Variants in ATXN7L1 observed in about 807,000 individuals in gnomAD.
The protein encoded by ATXN7L1 is ataxin 7 like 1.
A neutral mutation model predicts 70.8 loss-of-function variants in ATXN7L1; 15 were observed. That is an observed-to-expected ratio of 0.21 (90% CI 0.14 to 0.33). The LOEUF (loss-of-function observed/expected upper bound fraction) is 0.33. ATXN7L1 is among the 10% of genes least tolerant of loss of function. ATXN7L1 has a pLI of 1.00. For missense variants in ATXN7L1, 975 were observed against 1,097.1 expected (o/e 0.89, Z 1.57); for synonymous variants, 440 against 445.1 (o/e 0.99, Z 0.14).
chr7:105,798,231 C>G (rs1806287264), intron 2 of ATXN7L1, among the ~76,000 whole-genome samples: 1 of 152,222 alleles, frequency 6.6e-6, no homozygotes, highest in Non-Finnish European at 1.5e-5. Flanking sequence ...TTCCTTCCCC[C>G]CACCCCATGG....
Position 105,651,496 on chromosome 7 carries a change from G to A in ATXN7L1, c.579-8375C>T, listed in dbSNP as rs183458503. On this transcript the variant is annotated intron_variant, in intron 4 of 11. Transcript: ENST00000419735. The stretch of plus-strand genomic sequence containing the variant: ...TTCCTTAGTCCCTTCTGGTCCCACC[G>A]TGGAAGGAGGGGTGGACAGGGTGGA... Among the ~76,000 whole-genome samples, 590 of 152,330 alleles carry A rather than the reference G, an allele frequency of 3.9e-3. 7 individuals are homozygous for A. The highest frequency in any genetic ancestry group is 0.013 in the African/African-American group (557 of 41,570).
At chr7:105,713,133 A>T (rs1794128051) in intron 3 of ATXN7L1, among the ~76,000 whole-genome samples, 1 of 152,214 alleles carries the variant, frequency 6.6e-6, no homozygotes, top group South Asian at 2.1e-4. Context: ...ACACTTCTAA[A>T]TCATCAGATC....
At chr7:105,640,922 T>C (rs1798080039) in intron 5 of ATXN7L1, among the ~76,000 whole-genome samples, 1 of 152,226 alleles carries the variant, frequency 6.6e-6, no homozygotes, top group African/African-American at 2.4e-5. Context: ...ATTGGTGGTA[T>C]CTCCTTAAGA....
chr7:105,716,665 GCA>G (rs58217531), intron 3 of ATXN7L1, among the ~76,000 whole-genome samples: 9,769 of 124,262 alleles, frequency 0.079, 468 homozygotes, highest in Non-Finnish European at 0.1. Context: ...ACCTATCTCT[GCA>G]CACACACACA....
intron 3 of ATXN7L1, among the ~76,000 whole-genome samples, chr7:105,745,655 T>C (rs952525117): frequency 6.6e-6 from 1 of 152,186 alleles, no homozygotes; most frequent in Admixed American, 6.5e-5. Context: ...TGCAAGAAGC[T>C]GCAAAGGAGT....
chr7:105,669,294 C>A (rs1803154052), intron 3 of ATXN7L1, among the ~76,000 whole-genome samples: 2 of 152,086 alleles, frequency 1.3e-5, no homozygotes, highest in African/African-American at 4.8e-5. Context: ...GTTAGCCAGG[C>A]TGGTTTCAAA....
chr7:105,771,157 G>A (rs532879063), intron 3 of ATXN7L1, among the ~76,000 whole-genome samples: 4 of 151,300 alleles, frequency 2.6e-5, no homozygotes, highest in East Asian at 3.9e-4. Context: ...CCGAGATCGC[G>A]CCACTGCACT....
rs1817906671 is a variant in ATXN7L1, at chr7:105,869,273, G to A, written c.250+6539C>T. Among the ~76,000 whole-genome samples, 4 of 152,222 alleles carry A rather than the reference G, an allele frequency of 2.6e-5. No individual in the cohort carries two copies. In the South Asian group the frequency reaches 8.3e-4, roughly 32 times the overall value. ...TTACTGCTTGTTAGCAAAAGGGGAGGAAGGTAGGCTTAATGGGGAATGAAG... is the reference window on the plus strand; with the variant it reads ...TTACTGCTTGTTAGCAAAAGGGGAGAAAGGTAGGCTTAATGGGGAATGAAG... On this transcript the variant is annotated intron_variant, in intron 2 of 11. Transcript: ENST00000419735.
chr7:105,639,425 G>T, intron 6 of ATXN7L1, 62 bp downstream of exon 6: 1 of 1,329,276 alleles, frequency 7.5e-7, no homozygotes, highest in Non-Finnish European at 1.1e-6. Flanking sequence ...AGAGTGGCAT[G>T]CAAACATTTC....
At chr7:105,627,680 C>A (rs763897824) in intron 7 of ATXN7L1, among the ~76,000 whole-genome samples, 5 of 150,836 alleles carry the variant, frequency 3.3e-5, no homozygotes, top group Non-Finnish European at 7.4e-5. Flanking sequence ...TACAGGTGTG[C>A]GCCAACATGC....
chr7:105,780,993 T>A (rs1318085937), intron 3 of ATXN7L1, among the ~76,000 whole-genome samples: 1 of 152,218 alleles, frequency 6.6e-6, no homozygotes, highest in Non-Finnish European at 1.5e-5. Flanking sequence ...AGTTCCCAAC[T>A]GGGGGCGATT....
intron 3 of ATXN7L1, among the ~76,000 whole-genome samples, chr7:105,740,265 G>A (rs561840137): frequency 1.3e-5 from 2 of 152,290 alleles, no homozygotes; most frequent in South Asian, 4.1e-4. Flanking sequence ...AGGGGCAGCT[G>A]ATCACAACAT....
rs117069163 is a variant in ATXN7L1 at position 105,859,328 on chromosome 7, A to C, written c.250+16484T>G. Among the ~76,000 whole-genome samples, 642 of 152,254 alleles carry C rather than the reference A, an allele frequency of 4.2e-3. 4 individuals carry two copies. The highest frequency in any genetic ancestry group is 6.2e-3 in the Non-Finnish European group (422 of 68,012). On this transcript the variant is annotated intron_variant, in intron 2 of 11. Transcript: ENST00000419735. ...CACAATCAAGATGTGGAAAAATGAT[A>C]AATATTTAAAGGTGAAGTGTCGTGA...
chr7:105,798,990 A>T (rs1025446215), intron 2 of ATXN7L1, among the ~76,000 whole-genome samples: 1 of 152,252 alleles, frequency 6.6e-6, no homozygotes, highest in Non-Finnish European at 1.5e-5. Flanking sequence ...TACTGTTTAG[A>T]GATTTTAATT....
intron 2 of ATXN7L1, among the ~76,000 whole-genome samples, chr7:105,815,447 G>A (rs1809045726): frequency 6.6e-6 from 1 of 152,326 alleles, no homozygotes; most frequent in South Asian, 2.1e-4. Flanking sequence ...GTTGCATCAA[G>A]GACTCAGAAT....
chr7:105,791,309 C>A (rs1157958223), intron 2 of ATXN7L1, among the ~76,000 whole-genome samples: 1 of 152,216 alleles, frequency 6.6e-6, no homozygotes, highest in Admixed American at 6.5e-5. Context: ...TCTCTCCCTA[C>A]TGCCACTTCT....
chr7:105,616,605 G>A (rs553629703), intron 9 of ATXN7L1, among the ~76,000 whole-genome samples: 1 of 152,354 alleles, frequency 6.6e-6, no homozygotes, highest in Non-Finnish European at 1.5e-5. Context: ...GAATGAATGA[G>A]TGAATGAATG....
intron 3 of ATXN7L1, among the ~76,000 whole-genome samples, chr7:105,668,374 C>A (rs567782831): frequency 8.5e-5 from 13 of 152,198 alleles, no homozygotes; most frequent in Non-Finnish European, 1.8e-4. Context: ...GCTGGGACTA[C>A]AGGCATGTGC....
In ATXN7L1 at chr7:105,855,154, C is replaced by A. The variant is rs141011466; in HGVS notation, c.250+20658G>T. On this transcript the variant is annotated intron_variant, in intron 2 of 11. Transcript: ENST00000419735. Reference sequence around the variant, plus strand: ...ATTTTTAGTACAGATGGGGTTTCACCCTGTTGGCCAGGATGGTCTTGATCT... The same window carrying A: ...ATTTTTAGTACAGATGGGGTTTCACACTGTTGGCCAGGATGGTCTTGATCT... Among the ~76,000 whole-genome samples, 359 of 152,266 alleles carry A rather than the reference C, an allele frequency of 2.4e-3. 1 individual carries two copies. Among genetic ancestry groups the A allele is most frequent in the African/African-American group, 8.3e-3 (345 of 41,550 alleles).
Sources: allele counts gnomAD v4.1 joint callset (sites outside exome capture counted in the v4.1 genomes callset), GRCh38; gene constraint gnomAD v4.1.1; transcripts MANE v1.5; gene names NCBI Gene and HGNC (gene_info 2026-07-23, HGNC 2026-07-21).